SAMD13: variants seen among roughly 807,000 people sequenced by gnomAD.
SAMD13 encodes sterile alpha motif domain containing 13.
In SAMD13, 9 loss-of-function variants were observed where a neutral mutation model predicts 12.4. The observed-to-expected ratio is 0.72, with a 90% CI of 0.44 to 1.26. The LOEUF (loss-of-function observed/expected upper bound fraction) is 1.26, where lower values mean the gene tolerates loss of function less well. SAMD13 is among the 50% of genes most tolerant of loss of function. The pLI is 0.00. For synonymous variants in SAMD13, 46 were observed against 45.4 expected (o/e 1.01, Z -0.05); for missense variants, 84 against 119.6 (o/e 0.70, Z 1.39).
At chr1:84,324,296 T>C (rs571749811) in intron 2 of SAMD13, among the ~76,000 whole-genome samples, 51 of 152,280 alleles carry the variant, frequency 3.3e-4, no homozygotes, top group African/African-American at 1.2e-3. Context: ...TCCAGAATCC[T>C]CAGTGTGGCC....
At chr1:84,312,550 A>C (rs1678738460) in intron 2 of SAMD13, among the ~76,000 whole-genome samples, 1 of 152,120 alleles carries the variant, frequency 6.6e-6, no homozygotes, top group Non-Finnish European at 1.5e-5. Flanking sequence ...AACATATTAC[A>C]GTGTTACCTG....
intron 2 of SAMD13, among the ~76,000 whole-genome samples, chr1:84,320,531 G>A (rs559233912): frequency 1.3e-5 from 2 of 152,268 alleles, no homozygotes; most frequent in South Asian, 2.1e-4. Context: ...AGAAAGGAAC[G>A]GAAATAACGC....
At chr1:84,303,000 A>G (rs1678484958) in intron 1 of SAMD13, 1 of 475,328 alleles carries the variant, frequency 2.1e-6, no homozygotes. Flanking sequence ...GTGCCAGTAC[A>G]GATGAAAGCA....
chr1:84,306,644 C>CAAAAAAAAA (rs386367519), intron 2 of SAMD13, among the ~76,000 whole-genome samples: 2 of 64,004 alleles, frequency 3.1e-5, no homozygotes, highest in Non-Finnish European at 3.0e-5. Flanking sequence ...CTAAAAATAC[C>CAAAAAAAAA]AAAAAAAAAA....
At chr1:84,341,432 G>C (rs1168719956) in intron 3 of SAMD13, among the ~76,000 whole-genome samples, 1 of 152,126 alleles carries the variant, frequency 6.6e-6, no homozygotes, top group East Asian at 1.9e-4. Context: ...TATTCTACTG[G>C]CCAGCTGAGA....
intron 3 of SAMD13, among the ~76,000 whole-genome samples, chr1:84,343,663 A>G (rs1464758684): frequency 6.6e-6 from 1 of 152,246 alleles, no homozygotes; most frequent in East Asian, 1.9e-4. Flanking sequence ...ATGAGAACAC[A>G]TCGACACAGG....
chr1:84,345,408 C>T (rs1679514748), intron 3 of SAMD13: 1 of 361,536 alleles, frequency 2.8e-6, no homozygotes, highest in African/African-American at 2.1e-5. Context: ...TTAGTTCAAA[C>T]CTCTCATTTC....
At chr1:84,303,682 G>GA (rs1678499328) in intron 2 of SAMD13, 1 of 162,600 alleles carries the variant, frequency 6.2e-6, no homozygotes, top group African/African-American at 2.4e-5. Flanking sequence ...TGAAAACTAA[G>GA]AGCTATAGTG....
chr1:84,325,898 T>A, intron 3 of SAMD13, 150 bp downstream of exon 3: 1 of 610,142 alleles, frequency 1.6e-6, no homozygotes, highest in Non-Finnish European at 3.0e-6. Context: ...GGAAGGAGAA[T>A]GGATGTACCA....
At chr1:84,344,159 T>C (rs1679483920) in intron 3 of SAMD13, among the ~76,000 whole-genome samples, 1 of 151,990 alleles carries the variant, frequency 6.6e-6, no homozygotes, top group African/African-American at 2.4e-5. Context: ...GAAATACTCA[T>C]GAAGTCACTG....
In SAMD13 at chr1:84,349,529, G is replaced by C. The variant is rs77175501; in HGVS notation, c.166-102G>C. ...ACTACAAATGTAATGTTTTTAGCTT[G>C]GGCACAAGTGGTGTGACTTTTACCT... On this transcript the variant is annotated intron_variant, in intron 3 of 3. Coordinates refer to ENST00000394834, the MANE Select transcript of SAMD13 (RefSeq NM_001134663.2). 2.7e-6 allele frequency: 4 copies of C among 1,500,134 alleles called. No individual in the cohort carries two copies. In the East Asian group the frequency reaches 9.1e-5, roughly 34 times the overall value. The allele number at this position is 1,500,134 out of a possible 1,614,324, so 92.9% of individuals were successfully genotyped here.
At chr1:84,345,513 C>A (rs544363708) in intron 3 of SAMD13, among the ~76,000 whole-genome samples, 2 of 152,338 alleles carry the variant, frequency 1.3e-5, no homozygotes, top group South Asian at 4.1e-4. Context: ...ATTGAGCCTT[C>A]TTTCCCTTAT....
upstream of SAMD13, chr1:84,299,677 T>A (rs1625305): frequency 0.23 from 70,930 of 306,064 alleles, 1,744 homozygotes; most frequent in South Asian, 0.26. Flanking sequence ...ATATATATAT[T>A]TATTTATTTA....
In SAMD13 at chr1:84,330,797, G is replaced by C. The variant is rs572174308; in HGVS notation, c.165+5049G>C. The stretch of plus-strand genomic sequence containing the variant: ...AAGACAGATCTGCCATTCAATCAAT[G>C]TCATATAGTTCATATTTTTCAGATT... On this transcript the variant is annotated intron_variant, in intron 3 of 3. Coordinates refer to ENST00000394834, the MANE Select transcript of SAMD13 (RefSeq NM_001134663.2). 9.9e-5 allele frequency among the ~76,000 whole-genome samples: 15 copies of C among 152,188 alleles called. No individual in the cohort carries two copies. In the East Asian group the frequency reaches 2.7e-3, roughly 27 times the overall value.
At chr1:84,346,294 A>T (rs1390187455) in intron 3 of SAMD13, among the ~76,000 whole-genome samples, 2 of 152,188 alleles carry the variant, frequency 1.3e-5, no homozygotes, top group Admixed American at 1.3e-4. Flanking sequence ...CCCTCATTGG[A>T]AATTTAAACC....
At chr1:84,347,931 T>C (rs1679566576) in intron 3 of SAMD13, among the ~76,000 whole-genome samples, 1 of 152,244 alleles carries the variant, frequency 6.6e-6, no homozygotes, top group Non-Finnish European at 1.5e-5. Context: ...ATGAATCAGC[T>C]GCTTTTTAAT....
chr1:84,342,742 C>G (rs160612), intron 3 of SAMD13, among the ~76,000 whole-genome samples: 123,750 of 152,042 alleles, frequency 0.81, 51,661 homozygotes, highest in Non-Finnish European at 0.92. Context: ...AAACCCCAAA[C>G]TATAAAAACC....
At chr1:84,307,476 T>A (rs1041631686) in intron 2 of SAMD13, among the ~76,000 whole-genome samples, 1 of 152,172 alleles carries the variant, frequency 6.6e-6, no homozygotes, top group Admixed American at 6.5e-5. Context: ...TTAATAACTC[T>A]CTCAATCTCC....
chr1:84,320,332 A>G lies in SAMD13; in HGVS notation c.54-5305A>G, dbSNP rs1030274510. Among the ~76,000 whole-genome samples the G allele has an allele frequency of 9.2e-5, 14 of 152,306 alleles. No individual in the cohort carries two copies. In the East Asian group the frequency reaches 2.1e-3, roughly 23 times the overall value. On this transcript the variant is annotated intron_variant, in intron 2 of 3. Coordinates refer to ENST00000394834, the MANE Select transcript of SAMD13 (RefSeq NM_001134663.2). ...AGCTAAAGAATTTGGAATATATAGA[A>G]GGTTTGATGAATTATTTGCCTTTTC...
Sources: allele counts gnomAD v4.1 joint callset (sites outside exome capture counted in the v4.1 genomes callset), GRCh38; gene constraint gnomAD v4.1.1; transcripts MANE v1.5; gene names NCBI Gene and HGNC (gene_info 2026-07-23, HGNC 2026-07-21).